The following SYCP1 variants were observed in gnomAD, a reference collection of about 807,000 sequenced individuals.
The protein encoded by SYCP1 is synaptonemal complex protein 1.
In SYCP1, 64 loss-of-function variants were observed where a neutral mutation model predicts 153.1. The ratio of observed to expected loss-of-function variants is 0.42; its 90% CI spans 0.34 to 0.51. SYCP1 has a LOEUF of 0.51. SYCP1 is among the 20% of genes least tolerant of loss of function. The pLI is 0.06. For missense variants in SYCP1, 997 were observed against 1,049.0 expected (o/e 0.95, Z 0.68); for synonymous variants, 384 against 341.8 (o/e 1.12, Z -1.36).
At chr1:114,871,516 TAAAGCATA>T (rs1234659725) in intron 8 of SYCP1, among the ~76,000 whole-genome samples, 2 of 152,266 alleles carry the variant, frequency 1.3e-5, no homozygotes, top group East Asian at 3.9e-4. Context: ...TTCTTTTATA[TAAAGCATA>T]AATAAGCATT....
chr1:114,881,437 G>A (rs1020692311), intron 12 of SYCP1, among the ~76,000 whole-genome samples: 3 of 152,010 alleles, frequency 2.0e-5, no homozygotes, highest in African/African-American at 4.8e-5. Flanking sequence ...TGCATGATAT[G>A]TCTTTCTAGG....
chr1:114,883,913 G>A (rs1666120748), intron 12 of SYCP1, among the ~76,000 whole-genome samples: 1 of 152,014 alleles, frequency 6.6e-6, no homozygotes, highest in African/African-American at 2.4e-5. Flanking sequence ...GGATGGTCTC[G>A]AACTCCTGAC....
chr1:114,958,721 C>T (rs1306853679), intron 27 of SYCP1, among the ~76,000 whole-genome samples: 1 of 146,370 alleles, frequency 6.8e-6, no homozygotes, highest in African/African-American at 2.5e-5. Flanking sequence ...GAGATTGAGT[C>T]CATCCTGGCT....
intron 29 of SYCP1, among the ~76,000 whole-genome samples, chr1:114,982,663 C>T (rs950101653): frequency 6.6e-6 from 1 of 151,746 alleles, no homozygotes; most frequent in Non-Finnish European, 1.5e-5. Context: ...GCTCTTTGAA[C>T]ATATTTAAAA....
chr1:114,856,612 T>C lies in SYCP1; in HGVS notation c.148T>C (p.Phe50Leu). 6.2e-7 allele frequency: 1 copy of C among 1,612,252 alleles called. No homozygotes were observed. Among genetic ancestry groups the C allele is most frequent in the Non-Finnish European group, 8.5e-7 (1 of 1,179,308 alleles). Residue 50 changes from phenylalanine (F) to leucine (L), a missense_variant, in exon 3 of 32, where the codon TTT becomes CTT. Coordinates refer to ENST00000369522, the MANE Select transcript of SYCP1 (RefSeq NM_003176.4). ...KCTEDDFEFP[F>L]AKTNLSKNGE... ...TACTGAAGATGATTTTGAGTTTCCA[T>C]TTGCAAAGACTAATCTCTCCAAAAA...
chr1:114,983,361 C>G (rs767001599), intron 29 of SYCP1, among the ~76,000 whole-genome samples: 4 of 151,922 alleles, frequency 2.6e-5, no homozygotes, highest in Non-Finnish European at 5.9e-5. Flanking sequence ...CTTCACGTTG[C>G]TGCAAAGTTA....
At chr1:114,919,382 A>C (rs1668712867) in intron 20 of SYCP1, among the ~76,000 whole-genome samples, 1 of 151,954 alleles carries the variant, frequency 6.6e-6, no homozygotes, top group African/African-American at 2.4e-5. Context: ...GATCTTTTTA[A>C]TGTATTGTTG....
intron 21 of SYCP1, among the ~76,000 whole-genome samples, chr1:114,923,834 G>T (rs1055985305): frequency 3.9e-5 from 6 of 152,104 alleles, no homozygotes; most frequent in African/African-American, 1.4e-4. Flanking sequence ...ATATATGGAT[G>T]ACAAATTATT....
At chr1:114,895,381 T>C in intron 15 of SYCP1, 67 bp from the exon 16 acceptor site, 1 of 1,068,282 alleles carries the variant, frequency 9.4e-7, no homozygotes, top group Non-Finnish European at 1.3e-6. Flanking sequence ...TTATGCTTGT[T>C]CCTTCTGTCT....
chr1:114,977,664 A>G (rs761310284), intron 28 of SYCP1, 48 bp downstream of exon 28: 5 of 1,185,918 alleles, frequency 4.2e-6, no homozygotes, highest in Non-Finnish European at 1.2e-6. Flanking sequence ...TTCATTTTCT[A>G]ACTTCTACTT....
Position 114,995,230 on chromosome 1 carries a change from A to G in SYCP1, c.*211A>G. On this transcript the variant is annotated 3_prime_UTR_variant, in exon 32 of 32. Transcript: ENST00000369522. ...TGTATTCAGATAATTAGATGATTATATATTGTTGTTACTTTTTCTTGTATT... is the reference window on the plus strand; with the variant it reads ...TGTATTCAGATAATTAGATGATTATGTATTGTTGTTACTTTTTCTTGTATT... 1 of 377,830 alleles carries G rather than the reference A, an allele frequency of 2.6e-6. No individual in the cohort carries two copies. 23.4% of individuals were successfully genotyped at this position (377,830 alleles called of 1,614,324 possible). A position where few individuals can be genotyped will look rare whatever the true frequency, so the allele number is the denominator to read the frequency against.
At chr1:114,956,597 G>A (rs1671449014) in intron 27 of SYCP1, among the ~76,000 whole-genome samples, 1 of 152,142 alleles carries the variant, frequency 6.6e-6, no homozygotes, top group South Asian at 2.1e-4. Flanking sequence ...GAGACCTGCT[G>A]GGAGGCATGT....
chr1:114,892,869 T>A (rs1324782734), intron 15 of SYCP1, among the ~76,000 whole-genome samples: 1 of 151,772 alleles, frequency 6.6e-6, no homozygotes, highest in Non-Finnish European at 1.5e-5. Flanking sequence ...CAGAGCAGGA[T>A]GTAGTCTCCT....
intron 27 of SYCP1, among the ~76,000 whole-genome samples, chr1:114,970,600 T>A (rs1220643880): frequency 6.6e-6 from 1 of 151,624 alleles, no homozygotes; most frequent in Admixed American, 6.6e-5. Context: ...TCCCATGGGG[T>A]GATCCCTTGA....
Position 114,924,597 on chromosome 1 carries a change from G to A in SYCP1, c.1800+1067G>A, listed in dbSNP as rs562472134. On this transcript the variant is annotated intron_variant, in intron 21 of 31. Coordinates refer to ENST00000369522, the MANE Select transcript of SYCP1 (RefSeq NM_003176.4). ...ACAGGTGGTGGATACAAGTATAGCA[G>A]GGAGGATAATATTCTAAGTTAAAAA... Among the ~76,000 whole-genome samples the A allele has an allele frequency of 7.2e-5, 11 of 152,208 alleles. No homozygotes were observed. The South Asian group carries it at 1.2e-3, about 17-fold the overall frequency.
intron 27 of SYCP1, among the ~76,000 whole-genome samples, chr1:114,958,692 G>A (rs1339173519): frequency 4.6e-5 from 7 of 150,920 alleles, no homozygotes; most frequent in East Asian, 1.9e-4. Flanking sequence ...AGGCTGAGGC[G>A]GGCGGATCAC....
intron 3 of SYCP1, 65 bp from the exon 4 acceptor site, chr1:114,857,167 G>GAAAAAAAAAAAAAAAAAAAAAA: frequency 3.6e-6 from 2 of 558,548 alleles, no homozygotes; most frequent in Non-Finnish European, 5.2e-6. Context: ...AGAGAAAAAA[G>GAAAAAAAAAAAAAAAAAAAAAA]AAAAAAAAAA....
chr1:114,871,618 G>A (rs1665132858), intron 8 of SYCP1, among the ~76,000 whole-genome samples: 1 of 151,908 alleles, frequency 6.6e-6, no homozygotes, highest in South Asian at 2.1e-4. Flanking sequence ...TGTTGCCCAG[G>A]CTGGAGTGCA....
At chr1:114,897,614 G>A (rs1192215950) in intron 16 of SYCP1, among the ~76,000 whole-genome samples, 2 of 152,094 alleles carry the variant, frequency 1.3e-5, no homozygotes, top group Non-Finnish European at 2.9e-5. Flanking sequence ...ATCTCCCATA[G>A]TACAGAGACA....
Sources: gnomAD v4.1 joint callset for allele counts (sites outside exome capture counted in the v4.1 genomes callset) on GRCh38, gnomAD v4.1.1 for gene constraint, MANE v1.5 for transcripts, NCBI Gene and HGNC (gene_info 2026-07-23, HGNC 2026-07-21) for gene names.